RAPGEF1: variants seen among roughly 807,000 people sequenced by gnomAD.
The protein encoded by RAPGEF1 is CRK SH3-binding GNRP.
RAPGEF1 carries 33 observed loss-of-function variants against 143.3 expected under a neutral mutation model. The ratio of observed to expected loss-of-function variants is 0.23; its 90% CI spans 0.17 to 0.31. The LOEUF is 0.31. Ranked by LOEUF, RAPGEF1 falls within the 10% of genes least tolerant of loss-of-function variation. The pLI is 1.00. For missense variants in RAPGEF1, 1,199 were observed against 1,645.4 expected (o/e 0.73, Z 4.69); for synonymous variants, 629 against 676.5 (o/e 0.93, Z 1.09).
intron 1 of RAPGEF1, among the ~76,000 whole-genome samples, chr9:131,664,226 C>T (rs1002819347): frequency 2.6e-5 from 4 of 152,154 alleles, no homozygotes; most frequent in Non-Finnish European, 5.9e-5. Flanking sequence ...CGTACCTTCC[C>T]TACCCCATTT....
intron 12 of RAPGEF1, among the ~76,000 whole-genome samples, chr9:131,611,496 C>T (rs1392772810): frequency 6.6e-6 from 1 of 152,206 alleles, no homozygotes; most frequent in African/African-American, 2.4e-5. Flanking sequence ...GAAAATACTA[C>T]GTTTTGGCCA....
Position 131,675,969 on chromosome 9 carries a change from G to A in RAPGEF1, c.62-25020C>T, listed in dbSNP as rs1030905463. 3.3e-5 allele frequency among the ~76,000 whole-genome samples: 5 copies of A among 150,868 alleles called. No homozygotes were observed. The highest frequency in any genetic ancestry group is 2.4e-5 in the African/African-American group (1 of 40,902). ...CAGGCTGGAGTGTAGTGGCATGGTCGTAGCTCACTACAGCCTTGAACTCCT... is the reference window on the plus strand; with the variant it reads ...CAGGCTGGAGTGTAGTGGCATGGTCATAGCTCACTACAGCCTTGAACTCCT... On this transcript the variant is annotated intron_variant, in intron 1 of 26. Transcript: ENST00000683357. This position sits in a 1 kb window ranked among gnomAD's most constrained non-coding sequence, Gnocchi z 4.6.
chr9:131,584,247 C>CAGAG lies in RAPGEF1; in HGVS notation c.3414+63_3414+64insCTCT. The CAGAG allele has an allele frequency of 7.0e-7, 1 of 1,427,978 alleles. No individual in the cohort carries two copies. The highest frequency in any genetic ancestry group is 2.0e-5 in the Admixed American group (1 of 51,024). 88.5% of individuals were successfully genotyped at this position (1,427,978 alleles called of 1,614,324 possible). A position where few individuals can be genotyped will look rare whatever the true frequency, so the allele number is the denominator to read the frequency against. On this transcript the variant is annotated intron_variant, in intron 24 of 26. Coordinates refer to ENST00000683357, the MANE Select transcript of RAPGEF1 (RefSeq NM_001377935.1). The surrounding 1 kb of genome is among the most constrained non-coding windows in gnomAD (Gnocchi z 6.8). ...GGGAGCACTTTCTGCCACAGCTAGT[C>CAGAG]GCCTGAGGGCTGGGCGGCCCCCCTT...
chr9:131,611,341 A>G (rs1389586346), intron 12 of RAPGEF1, among the ~76,000 whole-genome samples: 1 of 152,238 alleles, frequency 6.6e-6, no homozygotes, highest in Non-Finnish European at 1.5e-5. Flanking sequence ...GCTTATTTTT[A>G]AAAACCACCT....
intron 1 of RAPGEF1, among the ~76,000 whole-genome samples, chr9:131,691,761 A>G (rs1284238979): frequency 6.6e-6 from 1 of 152,210 alleles, no homozygotes; most frequent in Non-Finnish European, 1.5e-5. Flanking sequence ...GACCAAGATC[A>G]AGCAGAACAA....
intron 1 of RAPGEF1, among the ~76,000 whole-genome samples, chr9:131,704,181 C>T (rs77129609): frequency 3.3e-5 from 5 of 151,342 alleles, no homozygotes; most frequent in East Asian, 1.9e-4. Flanking sequence ...GGCACTGAGC[C>T]GGTGGTTATT....
In RAPGEF1 at chr9:131,693,440, G is replaced by A. The variant is rs537350022; in HGVS notation, c.62-42491C>T. Among the ~76,000 whole-genome samples the A allele has an allele frequency of 6.1e-3, 930 of 152,152 alleles. 38 individuals are homozygous for A. The highest frequency in any genetic ancestry group is 0.054 in the Admixed American group (818 of 15,266). ...AAATAAGATTTTTATCTGACCTTCA[G>A]AGAAATCAGGAGAGAGAGAGAATAG... On this transcript the variant is annotated intron_variant, in intron 1 of 26. Coordinates refer to ENST00000683357, the MANE Select transcript of RAPGEF1 (RefSeq NM_001377935.1).
At chr9:131,656,903 A>G (rs1408313140) in intron 1 of RAPGEF1, among the ~76,000 whole-genome samples, 1 of 152,100 alleles carries the variant, frequency 6.6e-6, no homozygotes, top group Non-Finnish European at 1.5e-5. Flanking sequence ...CTACCAATAA[A>G]TCTCCCTCCT....
intron 1 of RAPGEF1, among the ~76,000 whole-genome samples, chr9:131,714,873 A>G (rs533665064): frequency 5.2e-4 from 79 of 152,166 alleles, no homozygotes; most frequent in African/African-American, 1.8e-3. Context: ...ATGCCTGGTT[A>G]ATTAGTAAAA....
At chr9:131,637,109 CA>C (rs1469100226) in intron 5 of RAPGEF1, among the ~76,000 whole-genome samples, 1 of 152,024 alleles carries the variant, frequency 6.6e-6, no homozygotes, top group Non-Finnish European at 1.5e-5. Context: ...CCTGTAATCC[CA>C]GCATCTCGGG....
chr9:131,639,523 C>A (rs537506452), intron 4 of RAPGEF1, among the ~76,000 whole-genome samples: 3 of 152,016 alleles, frequency 2.0e-5, no homozygotes, highest in Non-Finnish European at 4.4e-5. Flanking sequence ...CAGACAGAAG[C>A]CCTGAGTGCC....
intron 1 of RAPGEF1, among the ~76,000 whole-genome samples, chr9:131,712,554 T>C (rs1333935590): frequency 6.6e-6 from 1 of 152,194 alleles, no homozygotes; most frequent in African/African-American, 2.4e-5. Context: ...GCGAAGCCCC[T>C]GAAGTCAGGA....
Position 131,739,914 on chromosome 9 carries a change from C to G in RAPGEF1, c.-84G>C. ...GCCCTGGCTCGCCACGCCTCAGACC[C>G]GCGCCGGCATGGCGGGCTCCGCGCG... On this transcript the variant is annotated 5_prime_UTR_variant, in exon 1 of 27. Transcript: ENST00000683357. 1.2e-6 allele frequency: 1 copy of G among 830,270 alleles called. No individual in the cohort carries two copies. The highest frequency in any genetic ancestry group is 1.4e-6 in the Non-Finnish European group (1 of 690,990). The allele number at this position is 830,270 out of a possible 1,614,324, so 51.4% of individuals were successfully genotyped here.
At chr9:131,676,863 T>G (rs750810682) in intron 1 of RAPGEF1, among the ~76,000 whole-genome samples, 2 of 152,202 alleles carry the variant, frequency 1.3e-5, no homozygotes, top group African/African-American at 2.4e-5. Flanking sequence ...GACGGCAGCT[T>G]CACCAAGAGA....
chr9:131,666,363 A>T (rs1166366790), intron 1 of RAPGEF1, among the ~76,000 whole-genome samples: 1 of 152,120 alleles, frequency 6.6e-6, no homozygotes, highest in African/African-American at 2.4e-5. Flanking sequence ...ACATAGTGTG[A>T]ACCACATATG....
At chr9:131,662,499 C>A (rs991202575) in intron 1 of RAPGEF1, among the ~76,000 whole-genome samples, 1 of 151,902 alleles carries the variant, frequency 6.6e-6, no homozygotes, top group African/African-American at 2.4e-5. Flanking sequence ...TCCTGAGGAG[C>A]TGGGACTACA....
In RAPGEF1 at chr9:131,708,393, C is replaced by T. The variant is rs569174650; in HGVS notation, c.61+31377G>A. Among the ~76,000 whole-genome samples, 50 of 152,288 alleles carry T rather than the reference C, an allele frequency of 3.3e-4. No homozygotes were observed. The South Asian group carries it at 5.6e-3, about 17-fold the overall frequency. On this transcript the variant is annotated intron_variant, in intron 1 of 26. Coordinates refer to ENST00000683357, the MANE Select transcript of RAPGEF1 (RefSeq NM_001377935.1). ...AACTGTGATAAAAGGCCGCTGAGTG[C>T]GTCAACAGACTGTCCTGCACTGAGA...
chr9:131,622,040 C>T (rs1211668501), intron 10 of RAPGEF1, 42 bp from the exon 11 acceptor site: 12 of 1,565,528 alleles, frequency 7.7e-6, no homozygotes, highest in Non-Finnish European at 1.0e-5. Flanking sequence ...CCGGGGGAGG[C>T]CACATCAGGG....
At chr9:131,715,017 G>A (rs1429418254) in intron 1 of RAPGEF1, among the ~76,000 whole-genome samples, 4 of 152,076 alleles carry the variant, frequency 2.6e-5, no homozygotes, top group Non-Finnish European at 4.4e-5. Context: ...GGCCGAGACT[G>A]CTTTGAAGTA....
Sources: allele counts gnomAD v4.1 joint callset (sites outside exome capture counted in the v4.1 genomes callset), GRCh38; gene constraint gnomAD v4.1.1; non-coding constraint Gnocchi (gnomAD v3.1); transcripts MANE v1.5; gene names NCBI Gene and HGNC (gene_info 2026-07-23, HGNC 2026-07-21).